Variants in ZNF618 observed in about 807,000 individuals in gnomAD.
ZNF618 encodes the protein zinc finger protein 618.
ZNF618 carries 34 observed loss-of-function variants against 103.0 expected under a neutral mutation model. The ratio of observed to expected loss-of-function variants is 0.33; its 90% CI spans 0.25 to 0.44. The LOEUF is 0.44. Among genes scored for constraint, ZNF618 ranks in the 20% least tolerant of loss-of-function variants. The pLI, the probability that ZNF618 is intolerant of heterozygous loss-of-function variation, is 1.00. For synonymous variants in ZNF618, 551 were observed against 542.2 expected (o/e 1.02, Z -0.23); for missense variants, 1,059 against 1,295.4 (o/e 0.82, Z 2.80).
At chr9:113,916,528 C>T (rs1043035061) in intron 1 of ZNF618, among the ~76,000 whole-genome samples, 3 of 152,166 alleles carry the variant, frequency 2.0e-5, no homozygotes, top group Non-Finnish European at 4.4e-5. Context: ...TGGGAGCTGT[C>T]CCGTGGAAAG....
chr9:113,926,170 T>G (rs145826625), intron 1 of ZNF618, among the ~76,000 whole-genome samples: 1 of 151,876 alleles, frequency 6.6e-6, no homozygotes, highest in African/African-American at 2.4e-5. Flanking sequence ...TTTTTTTCTT[T>G]TAGGACTTTC....
chr9:113,993,489 A>G (rs1458076305), intron 3 of ZNF618, among the ~76,000 whole-genome samples: 4 of 152,202 alleles, frequency 2.6e-5, no homozygotes, highest in Non-Finnish European at 4.4e-5. Flanking sequence ...CCCTTAGACT[A>G]TTTCCTGGCT....
intron 1 of ZNF618, among the ~76,000 whole-genome samples, chr9:113,924,642 G>A (rs1466899317): frequency 6.6e-6 from 1 of 151,286 alleles, no homozygotes; most frequent in African/African-American, 2.4e-5. Context: ...TCAGATTATT[G>A]ATTTTATATT....
rs117932004 is a variant in ZNF618, at chr9:113,887,683, C to A, written c.33+11270C>A. ...GGGCAGAGCTGGCAGGGTGGGGAGTCATCTCCCTTGACTTCCAGCCTGGAT... is the reference window on the plus strand; with the variant it reads ...GGGCAGAGCTGGCAGGGTGGGGAGTAATCTCCCTTGACTTCCAGCCTGGAT... On this transcript the variant is annotated intron_variant, in intron 1 of 14. Coordinates refer to ENST00000374126, the MANE Select transcript of ZNF618 (RefSeq NM_001318042.2). Among the ~76,000 whole-genome samples, 79 of 152,260 alleles carry A rather than the reference C, an allele frequency of 5.2e-4. No individual in the cohort carries two copies. In the East Asian group the frequency reaches 0.015, roughly 29 times the overall value.
intron 1 of ZNF618, among the ~76,000 whole-genome samples, chr9:113,925,588 CTTT>C (rs1249072101): frequency 2.6e-5 from 4 of 151,612 alleles, no homozygotes; most frequent in African/African-American, 7.3e-5. Context: ...TTTGTTTCTT[CTTT>C]TGTCTTCCAT....
At chr9:113,966,731 A>G (rs567678937) in intron 1 of ZNF618, among the ~76,000 whole-genome samples, 17 of 152,246 alleles carry the variant, frequency 1.1e-4, no homozygotes, top group African/African-American at 3.9e-4. Context: ...GTCCATCCAT[A>G]TTCCAATGAA....
rs1382690674 is a variant in ZNF618, at chr9:114,050,470, ACACACG to A, written c.*304_*309del. ...CACACACACACACACACACACACACACACACGACCCTGGTGCGTGTACATACGCCTG... is the reference window on the plus strand; with the variant it reads ...CACACACACACACACACACACACACAACCCTGGTGCGTGTACATACGCCTG... On this transcript the variant is annotated 3_prime_UTR_variant, in exon 15 of 15. Transcript: ENST00000374126. 2 of 283,652 alleles carry A rather than the reference ACACACG, an allele frequency of 7.1e-6. No homozygotes were observed. The highest frequency in any genetic ancestry group is 4.5e-5 in the African/African-American group (2 of 44,286). 17.6% of individuals were successfully genotyped at this position (283,652 alleles called of 1,614,324 possible).
chr9:113,940,610 G>T (rs1207173175), intron 1 of ZNF618, among the ~76,000 whole-genome samples: 2 of 151,348 alleles, frequency 1.3e-5, no homozygotes, highest in African/African-American at 4.9e-5. Context: ...TATTTTGTTT[G>T]CCTTGGAGTT....
At chr9:113,927,470 G>A (rs1833206033) in intron 1 of ZNF618, among the ~76,000 whole-genome samples, 1 of 152,212 alleles carries the variant, frequency 6.6e-6, no homozygotes, top group African/African-American at 2.4e-5. Flanking sequence ...GTGGTGCTAA[G>A]GACTGGGCGA....
chr9:113,951,293 T>G (rs999469871), intron 1 of ZNF618, among the ~76,000 whole-genome samples: 36 of 149,338 alleles, frequency 2.4e-4, no homozygotes, highest in Non-Finnish European at 5.1e-4. Flanking sequence ...ATATCAGAAA[T>G]AGGCAAAGGT....
At chr9:113,968,397 G>C (rs989017657) in intron 1 of ZNF618, among the ~76,000 whole-genome samples, 1 of 152,148 alleles carries the variant, frequency 6.6e-6, no homozygotes, top group Non-Finnish European at 1.5e-5. Context: ...ACAAAGCTCG[G>C]GAATGTATCT....
intron 2 of ZNF618, among the ~76,000 whole-genome samples, chr9:113,972,933 G>A (rs999037856): frequency 7.9e-5 from 12 of 152,114 alleles, no homozygotes; most frequent in Non-Finnish European, 1.6e-4. Context: ...GCCAGGTATG[G>A]TGGCACACAC....
At chr9:113,958,668 C>G (rs1290823238) in intron 1 of ZNF618, among the ~76,000 whole-genome samples, 1 of 151,882 alleles carries the variant, frequency 6.6e-6, no homozygotes, top group African/African-American at 2.4e-5. Flanking sequence ...GGCTGATTCC[C>G]GTAAACACTA....
intron 12 of ZNF618, among the ~76,000 whole-genome samples, chr9:114,033,219 G>C (rs1212158411): frequency 6.6e-6 from 1 of 152,138 alleles, no homozygotes; most frequent in African/African-American, 2.4e-5. Flanking sequence ...AGACCAACCT[G>C]GCCAACATGG....
At chr9:113,892,323 C>A (rs1039852252) in intron 1 of ZNF618, among the ~76,000 whole-genome samples, 1 of 152,102 alleles carries the variant, frequency 6.6e-6, no homozygotes, top group African/African-American at 2.4e-5. Context: ...GTACCTAATA[C>A]AATGTAAATG....
At chr9:113,949,680 G>A (rs1401409896) in intron 1 of ZNF618, among the ~76,000 whole-genome samples, 1 of 152,164 alleles carries the variant, frequency 6.6e-6, no homozygotes, top group Non-Finnish European at 1.5e-5. Flanking sequence ...GCCCTACATG[G>A]TCCACCTCTG....
Position 114,028,933 on chromosome 9 carries a change from A to G in ZNF618, c.1045A>G (p.Thr349Ala). ...AGCCACCCAAACCCAGACGTTCCGC[A>G]CTCCAAATTCGGGATCTCCGGCGAG... is the stretch of plus-strand genomic sequence containing the variant. The part of the protein sequence containing the change: ...PPATQTQTFR[T>A]PNSGSPASKA... Residue 349 changes from threonine (T) to alanine (A), a missense_variant, in exon 11 of 15, where the codon ACT (threonine) becomes GCT (alanine). Around this residue, in one of 6 missense-constraint regions of ZNF618, gnomAD observed 434 missense variants for 476.0 expected, o/e 0.91. Coordinates refer to ENST00000374126, the MANE Select transcript of ZNF618 (RefSeq NM_001318042.2). 2 of 1,550,618 alleles carry G rather than the reference A, an allele frequency of 1.3e-6. No homozygotes were observed. The highest frequency in any genetic ancestry group is 2.4e-5 in the East Asian group (1 of 40,900).
intron 1 of ZNF618, among the ~76,000 whole-genome samples, chr9:113,943,543 C>T (rs564352201): frequency 1.1e-4 from 17 of 151,550 alleles, no homozygotes; most frequent in African/African-American, 2.2e-4. Flanking sequence ...CAGCTACAAC[C>T]GATTGTTGCC....
chr9:114,014,029 A>G (rs2133909103), intron 9 of ZNF618, among the ~76,000 whole-genome samples: 1 of 152,356 alleles, frequency 6.6e-6, no homozygotes, highest in East Asian at 1.9e-4. Flanking sequence ...TTGACTATTA[A>G]CAATTAGAGA....
Sources: gnomAD v4.1 joint callset for allele counts (sites outside exome capture counted in the v4.1 genomes callset) on GRCh38, gnomAD v4.1.1 for gene constraint, gnomAD v4.1.1 regional missense constraint, MANE v1.5 for transcripts, NCBI Gene and HGNC (gene_info 2026-07-23, HGNC 2026-07-21) for gene names.